Variants in CTNNA3 observed in about 807,000 individuals in gnomAD.
The protein encoded by CTNNA3 is catenin alpha-3.
CTNNA3 carries 76 observed loss-of-function variants against 95.7 expected under a neutral mutation model. The ratio of observed to expected loss-of-function variants is 0.79; its 90% CI spans 0.66 to 0.96. The LOEUF (loss-of-function observed/expected upper bound fraction) is 0.96, where lower values mean the gene tolerates loss of function less well. CTNNA3 is among the 40% of genes least tolerant of loss of function. CTNNA3 has a pLI of 0.00. For missense variants in CTNNA3, 1,191 were observed against 1,089.8 expected, an observed-to-expected ratio of 1.09 and a Z score of -1.31; for synonymous variants, 431 against 374.4, an observed-to-expected ratio of 1.15 and a Z score of -1.74.
In CTNNA3 at chr10:67,633,716, A is replaced by G. The variant is rs146670944; in HGVS notation, c.99+13699T>C. Among the ~76,000 whole-genome samples, 332 of 152,168 alleles carry G rather than the reference A, an allele frequency of 2.2e-3. 3 individuals are homozygous for G. Among genetic ancestry groups the G allele is most frequent in the Non-Finnish European group, 3.5e-3 (237 of 68,000 alleles). ...CACCAACAAAAAAGACCCCATAAAA[A>G]CCCCATTAAAAGTGAGCTTGAAGAC... is the stretch of plus-strand genomic sequence containing the variant. On this transcript the variant is annotated intron_variant, in intron 2 of 17. Coordinates refer to ENST00000433211, the MANE Select transcript of CTNNA3 (RefSeq NM_013266.4).
chr10:66,996,526 TAGTCCCAGCTAC>T (rs1346690210), intron 7 of CTNNA3, among the ~76,000 whole-genome samples: 1 of 151,694 alleles, frequency 6.6e-6, no homozygotes, highest in African/African-American at 2.4e-5. Context: ...CGCGTGCCTG[TAGTCCCAGCTAC>T]TCAGGAGGCT....
intron 15 of CTNNA3, 37 bp downstream of exon 15, chr10:66,069,271 C>T (rs1204893209): frequency 6.3e-7 from 1 of 1,581,046 alleles, no homozygotes; most frequent in Non-Finnish European, 8.7e-7. Context: ...TATTTTCAGC[C>T]ATTATGAATA....
chr10:67,660,122 G>C lies in CTNNA3; in HGVS notation c.-5-12604C>G, dbSNP rs151140340. ...AGTTTTCCATTCTGTCATAATCCTT[G>C]AAGAGAATTTTAAAAAGTCTCTGCT... On this transcript the variant is annotated intron_variant, in intron 1 of 17. Coordinates refer to ENST00000433211, the MANE Select transcript of CTNNA3 (RefSeq NM_013266.4). Among the ~76,000 whole-genome samples, 151 of 152,222 alleles carry C rather than the reference G, an allele frequency of 9.9e-4. 1 individual carries two copies. The highest frequency in any genetic ancestry group is 3.6e-3 in the African/African-American group (148 of 41,540).
chr10:66,879,568 G>A (rs996734980), intron 7 of CTNNA3, among the ~76,000 whole-genome samples: 1 of 152,090 alleles, frequency 6.6e-6, no homozygotes, highest in African/African-American at 2.4e-5. Context: ...AGTATATATA[G>A]CACCTGTTCT....
At chr10:67,413,625 T>C (rs999764345) in intron 5 of CTNNA3, among the ~76,000 whole-genome samples, 4 of 152,106 alleles carry the variant, frequency 2.6e-5, no homozygotes, top group Non-Finnish European at 4.4e-5. Context: ...CCACAGAATA[T>C]GCATTCTTCT....
rs141964032 is a variant in CTNNA3, at chr10:67,597,424, G to A, written c.292+9433C>T. 3.5e-3 allele frequency among the ~76,000 whole-genome samples: 531 copies of A among 152,240 alleles called. 5 individuals carry two copies. Among genetic ancestry groups the A allele is most frequent in the African/African-American group, 0.012 (497 of 41,524 alleles). Reference sequence around the variant, plus strand: ...TAAATCTTTGAGCTTGTTCTCCTTTGGATCGAGCTTTTTGCTTTTATATTC... The same window carrying A: ...TAAATCTTTGAGCTTGTTCTCCTTTAGATCGAGCTTTTTGCTTTTATATTC... On this transcript the variant is annotated intron_variant, in intron 3 of 17. Coordinates refer to ENST00000433211, the MANE Select transcript of CTNNA3 (RefSeq NM_013266.4).
intron 10 of CTNNA3, among the ~76,000 whole-genome samples, chr10:66,529,472 A>G (rs1018821213): frequency 6.6e-6 from 1 of 150,646 alleles, no homozygotes; most frequent in African/African-American, 2.4e-5. Context: ...TAATAAAAAA[A>G]CCTATCTTCT....
At chr10:66,971,761 T>C (rs1849736962) in intron 7 of CTNNA3, among the ~76,000 whole-genome samples, 1 of 152,160 alleles carries the variant, frequency 6.6e-6, no homozygotes, top group African/African-American at 2.4e-5. Context: ...AGAGAAAATA[T>C]ACCATAAACA....
chr10:66,891,386 T>C (rs749859881), intron 7 of CTNNA3, among the ~76,000 whole-genome samples: 44 of 152,170 alleles, frequency 2.9e-4, no homozygotes, highest in Non-Finnish European at 5.7e-4. Flanking sequence ...CAACTCTCAC[T>C]ATGGAAGGCC....
chr10:67,401,246 C>G (rs187146041), intron 5 of CTNNA3, among the ~76,000 whole-genome samples: 2 of 152,268 alleles, frequency 1.3e-5, no homozygotes, highest in Admixed American at 1.3e-4. Flanking sequence ...AAATAAATTT[C>G]TGCTCTTTAA....
chr10:66,449,442 A>G lies in CTNNA3; in HGVS notation c.1532-70090T>C, dbSNP rs985518759. Among the ~76,000 whole-genome samples, 4 of 152,158 alleles carry G rather than the reference A, an allele frequency of 2.6e-5. No individual in the cohort carries two copies. In the East Asian group the frequency reaches 7.7e-4, roughly 29 times the overall value. On this transcript the variant is annotated intron_variant, in intron 11 of 17. Coordinates refer to ENST00000433211, the MANE Select transcript of CTNNA3 (RefSeq NM_013266.4). ...GACATTATAATGTGGTCAAAATTACATGAAACAAATTGTCATTTTGTTTTC... is the reference window on the plus strand; with the variant it reads ...GACATTATAATGTGGTCAAAATTACGTGAAACAAATTGTCATTTTGTTTTC...
intron 7 of CTNNA3, among the ~76,000 whole-genome samples, chr10:66,800,964 T>G (rs1279753704): frequency 6.6e-6 from 1 of 151,252 alleles, no homozygotes; most frequent in Non-Finnish European, 1.5e-5. Flanking sequence ...AAACAAAATA[T>G]AATTTTTCAC....
intron 3 of CTNNA3, among the ~76,000 whole-genome samples, chr10:67,594,325 G>A (rs1051534819): frequency 1.3e-5 from 2 of 152,238 alleles, no homozygotes; most frequent in East Asian, 3.9e-4. Flanking sequence ...AGAATGATGG[G>A]TACCAGCTCT....
Position 66,927,365 on chromosome 10 carries a change from C to T in CTNNA3, c.1048-151841G>A. The T allele has an allele frequency of 1.2e-6, 2 of 1,614,200 alleles. No individual in the cohort carries two copies. The highest frequency in any genetic ancestry group is 4.5e-5 in the East Asian group (2 of 44,882). ...TATAATCAGCTGCATTCTCTGGGAT[C>T]TGAACAGTTTCGGGGCTTGCGGAAG... On this transcript the variant is annotated intron_variant, in intron 7 of 17. Coordinates refer to ENST00000433211, the MANE Select transcript of CTNNA3 (RefSeq NM_013266.4). This position sits in a 1 kb window ranked among gnomAD's most constrained non-coding sequence, Gnocchi z 4.7.
At chr10:66,475,063 G>A (rs1401021272) in intron 11 of CTNNA3, among the ~76,000 whole-genome samples, 2 of 151,842 alleles carry the variant, frequency 1.3e-5, no homozygotes, top group African/African-American at 4.8e-5. Context: ...GAAGAGACTT[G>A]GATACCCATG....
chr10:67,387,290 G>C (rs934169721), intron 5 of CTNNA3, among the ~76,000 whole-genome samples: 1 of 152,272 alleles, frequency 6.6e-6, no homozygotes, highest in East Asian at 1.9e-4. Context: ...TCAAAGAAAG[G>C]GGTGACGGAC....
chr10:67,753,549 T>C (rs984734950), intron 1 of CTNNA3, among the ~76,000 whole-genome samples: 2 of 152,172 alleles, frequency 1.3e-5, no homozygotes, highest in Non-Finnish European at 2.9e-5. Flanking sequence ...TGGGAGAATA[T>C]GTTTGCAATC....
At chr10:67,520,347 C>T (rs1438273367) in intron 5 of CTNNA3, among the ~76,000 whole-genome samples, 1 of 152,122 alleles carries the variant, frequency 6.6e-6, no homozygotes, top group East Asian at 1.9e-4. Context: ...TCCAAATTCA[C>T]AATTAGCTAA....
At position 66,018,538 on chromosome 10, in the gene CTNNA3, C is replaced by A. The variant is rs549234201; in HGVS notation, c.2160-29741G>T. On this transcript the variant is annotated intron_variant, in intron 15 of 17. Transcript: ENST00000433211. ...ACCAGTCATTCTTTATAAGCACTCA[C>A]AATTCAGGTAGAGCAATTATATTGC... Among the ~76,000 whole-genome samples, 3 of 152,168 alleles carry A rather than the reference C, an allele frequency of 2.0e-5. No individual in the cohort carries two copies. The East Asian group carries it at 5.8e-4, about 29-fold the overall frequency.
Sources: gnomAD v4.1 joint callset for allele counts (sites outside exome capture counted in the v4.1 genomes callset) on GRCh38, gnomAD v4.1.1 for gene constraint, Gnocchi (gnomAD v3.1) non-coding constraint, MANE v1.5 for transcripts, NCBI Gene and HGNC (gene_info 2026-07-23, HGNC 2026-07-21) for gene names.